ATP11A: variants seen among roughly 807,000 people sequenced by gnomAD.
The protein encoded by ATP11A is ATPase phospholipid transporting 11A, also known as phospholipid-transporting ATPase IH.
A neutral mutation model predicts 154.4 loss-of-function variants in ATP11A; 81 were observed. The observed-to-expected ratio is 0.52, with a 90% CI of 0.44 to 0.63. The LOEUF is 0.63. Ranked by LOEUF, ATP11A falls within the 30% of genes least tolerant of loss-of-function variation. The probability of loss-of-function intolerance (pLI) is 0.00; values close to 1 mark genes in which losing one functional copy is unlikely to be tolerated. For missense variants in ATP11A, 1,316 were observed against 1,474.3 expected, an observed-to-expected ratio of 0.89 and a Z score of 1.76; for synonymous variants, 623 against 585.9, an observed-to-expected ratio of 1.06 and a Z score of -0.91.
intron 29 of ATP11A, 35 bp from the exon 30 acceptor site, chr13:112,881,841 G>A (rs900755087): frequency 3.4e-5 from 46 of 1,367,546 alleles, no homozygotes; most frequent in East Asian, 9.1e-5. Flanking sequence ...CCTCGGGACC[G>A]CGACTCAGAA....
intron 1 of ATP11A, among the ~76,000 whole-genome samples, chr13:112,766,064 T>C (rs1445055455): frequency 6.6e-6 from 1 of 152,184 alleles, no homozygotes; most frequent in Non-Finnish European, 1.5e-5. Context: ...TGACGCAGCG[T>C]TTTCCGATGT....
At chr13:112,823,245 T>C (rs533142187) in intron 8 of ATP11A, 100 bp from the exon 9 acceptor site, 1 of 845,578 alleles carries the variant, frequency 1.2e-6, no homozygotes, top group South Asian at 1.5e-5. Flanking sequence ...GAAAATGAGA[T>C]CTGCTGAGCA....
rs1226086432 is a variant in ATP11A at position 112,884,512 on chromosome 13, A to G, written c.*2646A>G. 6.6e-6 allele frequency: 1 copy of G among 152,276 alleles called. No individual in the cohort carries two copies. Among genetic ancestry groups the G allele is most frequent in the South Asian group, 2.1e-4 (1 of 4,836 alleles). 9.4% of individuals were successfully genotyped at this position (152,276 alleles called of 1,614,324 possible). ...ATTTGAAATAGACAAGGGGCACGAGATAAAAAAGAAAAGGATGAGAAGATC... is the reference window on the plus strand; with the variant it reads ...ATTTGAAATAGACAAGGGGCACGAGGTAAAAAAGAAAAGGATGAGAAGATC... On this transcript the variant is annotated 3_prime_UTR_variant, in exon 30 of 30. Transcript: ENST00000375645.
intron 1 of ATP11A, among the ~76,000 whole-genome samples, chr13:112,698,093 G>A (rs138091396): frequency 9.8e-5 from 15 of 152,290 alleles, no homozygotes; most frequent in South Asian, 8.3e-4. Context: ...GCACTCAGCA[G>A]CCTCGATACA....
At chr13:112,718,638 A>C (rs1243356024) in intron 1 of ATP11A, among the ~76,000 whole-genome samples, 2 of 149,886 alleles carry the variant, frequency 1.3e-5, no homozygotes, top group African/African-American at 4.9e-5. Flanking sequence ...GGTTTGGATT[A>C]GCAGTCGGAC....
chr13:112,823,472 A>G, intron 9 of ATP11A, 63 bp downstream of exon 9: 8 of 1,388,942 alleles, frequency 5.8e-6, no homozygotes, highest in Non-Finnish European at 8.1e-6. Flanking sequence ...AGCAAAAGTT[A>G]AAACCCGCAG....
chr13:112,691,150 A>G (rs1430582486), intron 1 of ATP11A, among the ~76,000 whole-genome samples: 2 of 152,114 alleles, frequency 1.3e-5, no homozygotes, highest in Non-Finnish European at 2.9e-5. Flanking sequence ...GGGAAACCGG[A>G]ATCCCTGGCG....
intron 1 of ATP11A, among the ~76,000 whole-genome samples, chr13:112,760,104 C>T (rs1046231106): frequency 5.3e-5 from 8 of 152,206 alleles, no homozygotes; most frequent in Admixed American, 1.3e-4. Context: ...GTGTCATCCC[C>T]GAGCCGGATT....
Position 112,807,065 on chromosome 13 carries a change from T to C in ATP11A, c.333+772T>C, listed in dbSNP as rs997569112. Among the ~76,000 whole-genome samples the C allele has an allele frequency of 8.5e-5, 13 of 152,388 alleles. No homozygotes were observed. In the South Asian group the frequency reaches 2.5e-3, roughly 29 times the overall value. On this transcript the variant is annotated intron_variant, in intron 4 of 29. Coordinates refer to ENST00000375645, the MANE Select transcript of ATP11A (RefSeq NM_015205.3). The surrounding 1 kb of genome is among the most constrained non-coding windows in gnomAD (Gnocchi z 4.5). ...ATGGACATTTGGGGTGTTTCCACTCTTTGGCTGTTCTGAATAATGCTGCTG... is the reference window on the plus strand; with the variant it reads ...ATGGACATTTGGGGTGTTTCCACTCCTTGGCTGTTCTGAATAATGCTGCTG...
chr13:112,806,723 A>G (rs1391897363), intron 4 of ATP11A, among the ~76,000 whole-genome samples: 3 of 152,142 alleles, frequency 2.0e-5, no homozygotes, highest in African/African-American at 7.2e-5. Flanking sequence ...AACATGGAGA[A>G]GAATACATCT....
rs11616475 is a variant in ATP11A, at chr13:112,785,272, G to T, written c.162+15G>T. The T allele has an allele frequency of 0.37, 541,514 of 1,483,352 alleles. 102,583 individuals carry two copies. The highest frequency in any genetic ancestry group is 0.43 in the Middle Eastern group (2,404 of 5,532). 91.9% of individuals were successfully genotyped at this position (1,483,352 alleles called of 1,614,324 possible). A position where few individuals can be genotyped will look rare whatever the true frequency, so the allele number is the denominator to read the frequency against. On this transcript the variant is annotated intron_variant, in intron 2 of 29. Coordinates refer to ENST00000375645, the MANE Select transcript of ATP11A (RefSeq NM_015205.3). The surrounding 1 kb of genome is among the most constrained non-coding windows in gnomAD (Gnocchi z 4.8). ...TCTCGTCCAAGGTAACTTGGCTTGG[G>T]TCTGAGTGTCCATAATGTGTCTAAA...
At chr13:112,823,231 C>A in intron 8 of ATP11A, 114 bp from the exon 9 acceptor site, 1 of 779,964 alleles carries the variant, frequency 1.3e-6, no homozygotes, top group Admixed American at 2.1e-5. Context: ...ATGCCATCTC[C>A]TCTGAAAATG....
intron 18 of ATP11A, chr13:112,851,542 G>T: frequency 5.0e-6 from 1 of 200,062 alleles, no homozygotes; most frequent in Non-Finnish European, 1.0e-5. Context: ...TTTTTTAAGG[G>T]ATGGCATCTT....
intron 2 of ATP11A, among the ~76,000 whole-genome samples, chr13:112,793,916 C>T (rs1258278881): frequency 6.6e-6 from 1 of 152,218 alleles, no homozygotes; most frequent in African/African-American, 2.4e-5. Flanking sequence ...ACTGGCTACC[C>T]CAAGGGGCAG....
Position 112,841,978 on chromosome 13 carries a change from A to G in ATP11A, c.1706-298A>G, listed in dbSNP as rs7329270. Among the ~76,000 whole-genome samples the G allele has an allele frequency of 8.2e-3, 1,250 of 152,324 alleles. 19 individuals are homozygous for G. The highest frequency in any genetic ancestry group is 0.029 in the African/African-American group (1,202 of 41,578). On this transcript the variant is annotated intron_variant, in intron 16 of 29. Transcript: ENST00000375645. ...TCACCCCAACGCCCGTCCCGAGGGC[A>G]TTTTGTCCCCTTTCGTGTCTTTCCC... is the stretch of plus-strand genomic sequence containing the variant.
chr13:112,814,554 T>A (rs2078589568), intron 5 of ATP11A, among the ~76,000 whole-genome samples: 1 of 152,210 alleles, frequency 6.6e-6, no homozygotes, highest in African/African-American at 2.4e-5. Flanking sequence ...TCAGGTTTGT[T>A]TCTGTCCTTA....
At chr13:112,725,250 A>T (rs1889705480) in intron 1 of ATP11A, among the ~76,000 whole-genome samples, 1 of 152,160 alleles carries the variant, frequency 6.6e-6, no homozygotes, top group African/African-American at 2.4e-5. Flanking sequence ...TCATGATACG[A>T]TGTGGACCTC....
chr13:112,742,286 G>C (rs1891644087), intron 1 of ATP11A, among the ~76,000 whole-genome samples: 1 of 152,182 alleles, frequency 6.6e-6, no homozygotes, highest in Admixed American at 6.5e-5. Flanking sequence ...GGGTGGGGGA[G>C]ACACCTCCTG....
At chr13:112,799,987 T>C (rs1347964898) in intron 2 of ATP11A, among the ~76,000 whole-genome samples, 2 of 152,074 alleles carry the variant, frequency 1.3e-5, no homozygotes, top group Non-Finnish European at 2.9e-5. Flanking sequence ...TATTTTAAGC[T>C]AAACAAAAAA....
Sources: allele counts gnomAD v4.1 joint callset (sites outside exome capture counted in the v4.1 genomes callset), GRCh38; gene constraint gnomAD v4.1.1; non-coding constraint Gnocchi (gnomAD v3.1); transcripts MANE v1.5; gene names NCBI Gene and HGNC (gene_info 2026-07-23, HGNC 2026-07-21).